The following DCC variants were observed in gnomAD, a reference collection of about 807,000 sequenced individuals.
DCC encodes netrin receptor DCC.
In DCC, 58 loss-of-function variants were observed where a neutral mutation model predicts 172.5. The ratio of observed to expected loss-of-function variants is 0.34; its 90% CI spans 0.27 to 0.42. The LOEUF (loss-of-function observed/expected upper bound fraction) is 0.42. DCC is among the 10% of genes least tolerant of loss of function. DCC has a pLI of 1.00. For missense variants in DCC, 1,740 were observed against 1,791.0 expected, an observed-to-expected ratio of 0.97 and a Z score of 0.51; for synonymous variants, 709 against 644.5, an observed-to-expected ratio of 1.10 and a Z score of -1.52.
chr18:53,097,574 G>T (rs2043104932), intron 7 of DCC, among the ~76,000 whole-genome samples: 1 of 152,054 alleles, frequency 6.6e-6, no homozygotes, highest in Non-Finnish European at 1.5e-5. Context: ...CATCTTTTAA[G>T]GCTCAAAACG....
At chr18:52,942,858 A>G (rs1353523685) in intron 5 of DCC, among the ~76,000 whole-genome samples, 1 of 152,202 alleles carries the variant, frequency 6.6e-6, no homozygotes, top group Non-Finnish European at 1.5e-5. Context: ...TGGCTTGTTC[A>G]TATTTGTTGT....
intron 12 of DCC, among the ~76,000 whole-genome samples, chr18:53,269,849 G>A (rs141460179): frequency 2.4e-4 from 36 of 152,266 alleles, no homozygotes; most frequent in Middle Eastern, 3.4e-3. Context: ...ATATCTCTCC[G>A]ATAAGATGAG....
At chr18:53,306,121 A>G (rs906760767) in intron 13 of DCC, among the ~76,000 whole-genome samples, 2 of 152,194 alleles carry the variant, frequency 1.3e-5, no homozygotes, top group African/African-American at 4.8e-5. Context: ...TGAAAACTGA[A>G]GAAAAGGGTA....
intron 1 of DCC, among the ~76,000 whole-genome samples, chr18:52,387,346 T>C (rs981133460): frequency 3.9e-5 from 6 of 151,982 alleles, no homozygotes; most frequent in Admixed American, 2.6e-4. Flanking sequence ...AAGAAAAAAA[T>C]TGGTAAATTA....
intron 24 of DCC, among the ~76,000 whole-genome samples, chr18:53,466,221 T>A (rs189390598): frequency 1.3e-5 from 2 of 152,196 alleles, no homozygotes; most frequent in Non-Finnish European, 2.9e-5. Context: ...ACTCAGTGGT[T>A]GCCATTTTAA....
At chr18:52,740,199 G>A (rs2036797457) in intron 1 of DCC, among the ~76,000 whole-genome samples, 1 of 152,088 alleles carries the variant, frequency 6.6e-6, no homozygotes, top group Non-Finnish European at 1.5e-5. Flanking sequence ...TGCTCCCCAA[G>A]TCTTCCCCCA....
intron 1 of DCC, among the ~76,000 whole-genome samples, chr18:52,404,181 C>A (rs1415126295): frequency 6.6e-6 from 1 of 151,930 alleles, no homozygotes; most frequent in Non-Finnish European, 1.5e-5. Context: ...TAATATTTCC[C>A]TGAACTCTAG....
At chr18:52,861,011 CAAAAAAAA>C in intron 2 of DCC, among the ~76,000 whole-genome samples, 1 of 120,952 alleles carries the variant, frequency 8.3e-6, no homozygotes, top group South Asian at 2.8e-4. Flanking sequence ...GAATCCATTT[CAAAAAAAA>C]AAAAAAAAAA....
chr18:52,925,254 T>G lies in DCC; in HGVS notation c.869T>G (p.Leu290Trp). The G allele has an allele frequency of 6.2e-7, 1 of 1,612,540 alleles. No individual in the cohort carries two copies. The highest frequency in any genetic ancestry group is 8.5e-7 in the Non-Finnish European group (1 of 1,178,802). Residue 290 changes from leucine to tryptophan, a missense_variant, in exon 5 of 29, where the codon TTG (leucine) becomes TGG (tryptophan). This residue lies in a region of DCC where 1,732 missense variants were observed against 1,767.4 expected (regional missense o/e 0.98). Coordinates refer to ENST00000442544, the MANE Select transcript of DCC (RefSeq NM_005215.4). ...TGCAGGTCTAAAAAGTATTCTTTAT[T>G]GGGTGGAAGCAACTTGCTTATCTCC... ...IQLRSKKYSL[L>W]GGSNLLISNV...
At chr18:52,595,692 A>G (rs1255588320) in intron 1 of DCC, among the ~76,000 whole-genome samples, 1 of 152,200 alleles carries the variant, frequency 6.6e-6, no homozygotes, top group Non-Finnish European at 1.5e-5. Flanking sequence ...TAGTGTTTGC[A>G]TTTTAACCAG....
chr18:52,376,952 A>G (rs978995821), intron 1 of DCC, among the ~76,000 whole-genome samples: 3 of 152,202 alleles, frequency 2.0e-5, no homozygotes, highest in African/African-American at 7.2e-5. Context: ...TCAGGTGGTC[A>G]GGTCAGACCT....
chr18:53,216,723 T>C (rs2144581577), intron 12 of DCC, among the ~76,000 whole-genome samples: 1 of 152,264 alleles, frequency 6.6e-6, no homozygotes, highest in Admixed American at 6.5e-5. Context: ...AGCAAGTGAA[T>C]GCATTATTCT....
At chr18:52,689,350 C>G (rs898758498) in intron 1 of DCC, among the ~76,000 whole-genome samples, 3 of 151,988 alleles carry the variant, frequency 2.0e-5, no homozygotes, top group African/African-American at 7.2e-5. Context: ...TTTTAGGTAG[C>G]CTTCAAAAGA....
In DCC at chr18:53,292,121, C is replaced by CG. The variant is rs545562260; in HGVS notation, c.1912-13457_1912-13456insG. Among the ~76,000 whole-genome samples, 371 of 151,822 alleles carry CG rather than the reference C, an allele frequency of 2.4e-3. 1 individual carries two copies. Among genetic ancestry groups the CG allele is most frequent in the African/African-American group, 8.4e-3 (348 of 41,418 alleles). On this transcript the variant is annotated intron_variant, in intron 12 of 28. Transcript: ENST00000442544. ...TTTATTCTTTGAGCTCCACCCCCCC[C>CG]CCCTTTTTTCCTGTAAGCTGGGCTA...
intron 6 of DCC, among the ~76,000 whole-genome samples, chr18:53,064,584 A>G (rs1358372712): frequency 5.9e-5 from 9 of 152,136 alleles, no homozygotes; most frequent in Admixed American, 6.6e-5. Context: ...AGAAACTTTC[A>G]TAATATCTGT....
intron 7 of DCC, among the ~76,000 whole-genome samples, chr18:53,131,591 C>T (rs1050200049): frequency 6.6e-6 from 1 of 152,060 alleles, no homozygotes; most frequent in Admixed American, 6.6e-5. Flanking sequence ...AAAAATTTCC[C>T]GCATATATCA....
At chr18:52,496,296 A>G (rs567881384) in intron 1 of DCC, among the ~76,000 whole-genome samples, 9 of 152,198 alleles carry the variant, frequency 5.9e-5, no homozygotes, top group Non-Finnish European at 8.8e-5. Context: ...AAGAGTATGT[A>G]CATCAATAAA....
At chr18:52,920,278 C>T (rs968238271) in intron 3 of DCC, among the ~76,000 whole-genome samples, 1 of 151,430 alleles carries the variant, frequency 6.6e-6, no homozygotes, top group Non-Finnish European at 1.5e-5. Context: ...AAAAAACAAC[C>T]CACAGATTGA....
At chr18:52,623,011 T>G (rs1325658056) in intron 1 of DCC, among the ~76,000 whole-genome samples, 1 of 152,178 alleles carries the variant, frequency 6.6e-6, no homozygotes, top group Non-Finnish European at 1.5e-5. Context: ...AAACACTTGT[T>G]TCCACTTTTC....
Sources: gnomAD v4.1 joint callset for allele counts (sites outside exome capture counted in the v4.1 genomes callset) on GRCh38, gnomAD v4.1.1 for gene constraint, gnomAD v4.1.1 regional missense constraint, MANE v1.5 for transcripts, NCBI Gene and HGNC (gene_info 2026-07-23, HGNC 2026-07-21) for gene names.